Variants in KCNN2 observed in about 807,000 individuals in gnomAD.
KCNN2 encodes small conductance calcium-activated potassium channel protein 2.
In KCNN2, 24 loss-of-function variants were observed where a neutral mutation model predicts 55.5. The observed-to-expected ratio is 0.43, with a 90% CI of 0.31 to 0.61. KCNN2 has a LOEUF of 0.61. Ranked by LOEUF, KCNN2 falls within the 20% of genes least tolerant of loss-of-function variation. The pLI, the probability that KCNN2 is intolerant of heterozygous loss-of-function variation, is 0.08. For missense variants in KCNN2, 754 were observed against 853.6 expected, an observed-to-expected ratio of 0.88 and a Z score of 1.45; for synonymous variants, 431 against 336.1, an observed-to-expected ratio of 1.28 and a Z score of -3.09.
intron 1 of KCNN2, among the ~76,000 whole-genome samples, chr5:114,084,754 A>G (rs984261221): frequency 1.3e-5 from 2 of 151,946 alleles, no homozygotes; most frequent in African/African-American, 4.8e-5. Flanking sequence ...AAGGCCACCT[A>G]GATTTTCTTC....
intron 1 of KCNN2, among the ~76,000 whole-genome samples, chr5:114,178,488 A>G (rs1753179293): frequency 6.6e-6 from 1 of 152,194 alleles, no homozygotes; most frequent in Admixed American, 6.5e-5. Flanking sequence ...AAGCTGTTGG[A>G]AGATTATCAG....
intron 1 of KCNN2, among the ~76,000 whole-genome samples, chr5:114,099,006 T>C (rs1751320099): frequency 6.6e-6 from 1 of 152,152 alleles, no homozygotes; most frequent in Non-Finnish European, 1.5e-5. Flanking sequence ...ACACAAAACA[T>C]TTATTTATAT....
chr5:114,401,430 A>G (rs1224418326), intron 2 of KCNN2, among the ~76,000 whole-genome samples: 3 of 152,174 alleles, frequency 2.0e-5, no homozygotes, highest in Non-Finnish European at 4.4e-5. Flanking sequence ...TGATATTAGG[A>G]CCTATCCAGT....
intron 2 of KCNN2, among the ~76,000 whole-genome samples, chr5:114,252,645 A>C (rs1754890076): frequency 6.6e-6 from 1 of 152,042 alleles, no homozygotes; most frequent in African/African-American, 2.4e-5. Context: ...TAGTTTATGG[A>C]AGTAAGAATC....
rs553723333 is a variant in KCNN2, at chr5:114,334,472, T to A, written c.-184-26473T>A. Among the ~76,000 whole-genome samples, 4 of 152,106 alleles carry A rather than the reference T, an allele frequency of 2.6e-5. No individual in the cohort carries two copies. In the South Asian group the frequency reaches 8.3e-4, roughly 32 times the overall value. On this transcript the variant is annotated intron_variant, in intron 2 of 10. Coordinates refer to the KCNN2 transcript ENST00000512097. ...TACAAATGAAAAGTGTATATATAGA[T>A]ATATATACACACATATATATACGCA...
intron 3 of KCNN2, among the ~76,000 whole-genome samples, chr5:114,427,925 T>C (rs1161189356): frequency 3.3e-5 from 5 of 152,202 alleles, no homozygotes; most frequent in Non-Finnish European, 5.9e-5. Flanking sequence ...GACTTATATT[T>C]ACTGTGCTTC....
intron 1 of KCNN2, among the ~76,000 whole-genome samples, chr5:114,147,941 T>G (rs916980361): frequency 6.6e-6 from 1 of 152,168 alleles, no homozygotes; most frequent in Non-Finnish European, 1.5e-5. Context: ...AGGTAAAACA[T>G]TGAATTAATT....
Position 114,328,291 on chromosome 5 carries a change from A to C in KCNN2, c.-184-32654A>C, listed in dbSNP as rs1756748302. Among the ~76,000 whole-genome samples the C allele has an allele frequency of 2.0e-5, 3 of 152,060 alleles. No individual in the cohort carries two copies. In the South Asian group the frequency reaches 6.2e-4, roughly 32 times the overall value. On this transcript the variant is annotated intron_variant, in intron 2 of 10. Transcript: ENST00000512097. ...CTAGGTCATGCTAGGTGGGTTCCTT[A>C]ATGGATCTGAGGCAGATCTACAGCA...
At position 114,330,828 on chromosome 5, in the gene KCNN2, C is replaced by A. The variant is rs138418401; in HGVS notation, c.-184-30117C>A. On this transcript the variant is annotated intron_variant, in intron 2 of 10. Transcript: ENST00000512097. The stretch of plus-strand genomic sequence containing the variant: ...AATTGCCTGGGAGCAGAATCTTTCT[C>A]ATTAAACCATAGCTCCCTGCCAGAT... Among the ~76,000 whole-genome samples the A allele has an allele frequency of 2.0e-5, 3 of 152,328 alleles. No individual in the cohort carries two copies. The East Asian group carries it at 5.8e-4, about 29-fold the overall frequency.
At chr5:114,241,627 C>A (rs994720027) in intron 2 of KCNN2, among the ~76,000 whole-genome samples, 1 of 146,702 alleles carries the variant, frequency 6.8e-6, no homozygotes, top group Non-Finnish European at 1.5e-5. Flanking sequence ...TCACAATAGG[C>A]AAAAACGTAA....
intron 5 of KCNN2, among the ~76,000 whole-genome samples, chr5:114,476,871 G>C (rs568329280): frequency 6.6e-6 from 1 of 152,168 alleles, no homozygotes; most frequent in Admixed American, 6.5e-5. Context: ...CCATTTTATA[G>C]TCCTCTCATT....
intron 2 of KCNN2, among the ~76,000 whole-genome samples, chr5:114,403,418 A>G (rs1000476545): frequency 1.3e-5 from 2 of 152,248 alleles, no homozygotes; most frequent in African/African-American, 2.4e-5. Context: ...AAAGGCAGCA[A>G]TGACAGTATC....
At chr5:114,419,626 C>T (rs1422971407) in intron 3 of KCNN2, among the ~76,000 whole-genome samples, 2 of 152,174 alleles carry the variant, frequency 1.3e-5, no homozygotes, top group Non-Finnish European at 2.9e-5. Flanking sequence ...GTACCATACT[C>T]AGTAACCTAA....
chr5:114,282,978 G>A (rs947693684), intron 2 of KCNN2, among the ~76,000 whole-genome samples: 1 of 152,126 alleles, frequency 6.6e-6, no homozygotes, highest in Non-Finnish European at 1.5e-5. Context: ...CTCCTCTGCT[G>A]CATTTAAGAT....
At chr5:114,431,428 G>A (rs1759789841) in intron 3 of KCNN2, among the ~76,000 whole-genome samples, 1 of 151,974 alleles carries the variant, frequency 6.6e-6, no homozygotes, top group Non-Finnish European at 1.5e-5. Flanking sequence ...GGAATCAGCA[G>A]TGATGCCCCC....
intron 2 of KCNN2, among the ~76,000 whole-genome samples, chr5:114,245,213 C>T (rs149013252): frequency 1.3e-5 from 2 of 152,262 alleles, no homozygotes; most frequent in East Asian, 3.9e-4. Context: ...CTTTCTAAAT[C>T]AAAAACTCTA....
chr5:114,433,533 C>T (rs1387849246), intron 3 of KCNN2: 1 of 152,414 alleles, frequency 6.6e-6, no homozygotes, highest in Non-Finnish European at 1.5e-5. Context: ...GGGTCCTCTT[C>T]AACACTGTGG....
At chr5:114,390,959 T>C (rs1758435376) in intron 2 of KCNN2, among the ~76,000 whole-genome samples, 1 of 152,118 alleles carries the variant, frequency 6.6e-6, no homozygotes, top group Admixed American at 6.6e-5. Context: ...AATTAAGTCT[T>C]AAGAGCAGCA....
At chr5:114,136,475 C>G (rs1479002311) in intron 1 of KCNN2, among the ~76,000 whole-genome samples, 1 of 152,116 alleles carries the variant, frequency 6.6e-6, no homozygotes, top group Non-Finnish European at 1.5e-5. Context: ...ATGGTGTTTT[C>G]TAAATAGGAT....
Sources: gnomAD v4.1 joint callset for allele counts (sites outside exome capture counted in the v4.1 genomes callset) on GRCh38, gnomAD v4.1.1 for gene constraint, MANE v1.5 for transcripts, NCBI Gene and HGNC (gene_info 2026-07-23, HGNC 2026-07-21) for gene names.